The following ALPG variants were observed in gnomAD, a reference collection of about 807,000 sequenced individuals.
ALPG encodes the protein alkaline phosphatase, germ cell type.
ALPG carries 32 observed loss-of-function variants against 48.6 expected under a neutral mutation model. The observed-to-expected ratio is 0.66, with a 90% CI of 0.50 to 0.88. The LOEUF (loss-of-function observed/expected upper bound fraction) is 0.88. Among genes scored for constraint, ALPG ranks in the 40% least tolerant of loss-of-function variants. ALPG has a pLI of 0.00. For missense variants in ALPG, 533 were observed against 718.1 expected (o/e 0.74, Z 2.95); for synonymous variants, 244 against 308.9 (o/e 0.79, Z 2.20).
chr2:232,409,516 G>A (rs1280653626), intron 10 of ALPG, 58 bp from the exon 11 acceptor site: 1 of 1,610,266 alleles, frequency 6.2e-7, no homozygotes, highest in African/African-American at 1.3e-5. Flanking sequence ...GCGGGAAGGG[G>A]TCACCTCTTG....
At position 232,407,134 on chromosome 2, in the gene ALPG, C is replaced by T. The variant is rs1309947133; in HGVS notation, c.145C>T (p.Gln49Ter). ...LGAAKKLQPA[Q>*]TAAKNLIIFL... The stretch of plus-strand genomic sequence containing the variant: ...TGCCGCCAAGAAGCTGCAGCCTGCA[C>T]AGACAGCCGCCAAGAACCTCATCAT... Residue 49 changes from glutamine to a stop codon, truncating the protein, a stop_gained, in exon 2 of 11, where the codon CAG becomes TAG. Transcript: ENST00000295453. LOFTEE classifies it high-confidence loss of function. The T allele has an allele frequency of 1.9e-6, 3 of 1,613,986 alleles. No individual in the cohort carries two copies. The highest frequency in any genetic ancestry group is 1.7e-6 in the Non-Finnish European group (2 of 1,180,014).
rs368869875 is a variant in ALPG, at chr2:232,407,989, C to T, written c.620C>T (p.Thr207Met). Reference sequence around the variant, plus strand: ...CAGGAGGGGTGCCAGGACATCGCCACGCAGCTCATCTCCAACATGGACATT... The same window carrying T: ...CAGGAGGGGTGCCAGGACATCGCCATGCAGCTCATCTCCAACATGGACATT... ...ARQEGCQDIA[T>M]QLISNMDIDV... Residue 207 changes from threonine to methionine, a missense_variant, in exon 5 of 11, where the codon ACG becomes ATG. Thr to Met is a moderately conservative substitution (Grantham distance 81, BLOSUM62 -1). This residue lies in a region of ALPG where 315 missense variants were observed against 305.8 expected (regional missense o/e 1.03). Transcript: ENST00000295453. 2.4e-5 allele frequency: 39 copies of T among 1,612,570 alleles called. No individual in the cohort carries two copies. Among genetic ancestry groups the T allele is most frequent in the African/African-American group, 1.7e-4 (13 of 75,034 alleles).
chr2:232,407,223 C>T lies in ALPG; in HGVS notation c.184+50C>T, dbSNP rs377335498. On this transcript the variant is annotated intron_variant, in intron 2 of 10. Transcript: ENST00000295453. Reference sequence around the variant, plus strand: ...CCGCAGCCCTCACAGCCCCGGCGCCCGGACCCTCAGTGGTTCCAGGACAGC... The same window carrying T: ...CCGCAGCCCTCACAGCCCCGGCGCCTGGACCCTCAGTGGTTCCAGGACAGC... 86 of 1,613,754 alleles carry T rather than the reference C, an allele frequency of 5.3e-5. No individual in the cohort carries two copies. The African/African-American group carries it at 8.8e-4, about 17-fold the overall frequency.
At chr2:232,408,102 T>A (rs1697124020) in intron 5 of ALPG, 85 bp downstream of exon 5, 2 of 1,566,910 alleles carry the variant, frequency 1.3e-6, no homozygotes, top group African/African-American at 1.4e-5. Context: ...CCAAAAGCCT[T>A]ATCTGGGCCA....
In ALPG at chr2:232,409,917, C is replaced by G; in HGVS notation, c.*45C>G. Reference sequence around the variant, plus strand: ...CCTGCTTCCCCATCCCGGAGTTCCCCTGCTCCCCACCTCCAGTCGTCCTGC... The same window carrying G: ...CCTGCTTCCCCATCCCGGAGTTCCCGTGCTCCCCACCTCCAGTCGTCCTGC... On this transcript the variant is annotated 3_prime_UTR_variant, in exon 11 of 11. Transcript: ENST00000295453. 3.3e-6 allele frequency: 5 copies of G among 1,498,912 alleles called. No individual in the cohort carries two copies. The highest frequency in any genetic ancestry group is 4.4e-6 in the Non-Finnish European group (5 of 1,130,402). 92.9% of individuals were successfully genotyped at this position (1,498,912 alleles called of 1,614,324 possible). A position where few individuals can be genotyped will look rare whatever the true frequency, so the allele number is the denominator to read the frequency against.
chr2:232,409,984 A>T lies in ALPG; in HGVS notation c.*112A>T. The T allele has an allele frequency of 7.0e-7, 1 of 1,419,338 alleles. No individual in the cohort carries two copies. Among genetic ancestry groups the T allele is most frequent in the South Asian group, 1.5e-5 (1 of 68,042 alleles). The allele number at this position is 1,419,338 out of a possible 1,614,324, so 87.9% of individuals were successfully genotyped here. On this transcript the variant is annotated 3_prime_UTR_variant, in exon 11 of 11. Coordinates refer to ENST00000295453, the MANE Select transcript of ALPG (RefSeq NM_031313.3). Reference sequence around the variant, plus strand: ...GCTGTCACCCCCGGAGTCGCCACACAGACGTCCTGCCATGGAACCTTCCCC... The same window carrying T: ...GCTGTCACCCCCGGAGTCGCCACACTGACGTCCTGCCATGGAACCTTCCCC...
chr2:232,408,009 G>A lies in ALPG; in HGVS notation c.640G>A (p.Asp214Asn), dbSNP rs756844703. The A allele has an allele frequency of 8.7e-6, 14 of 1,610,930 alleles. No homozygotes were observed. In the African/African-American group the frequency reaches 1.9e-4, roughly 22 times the overall value. Residue 214 changes from aspartate to asparagine, a missense_variant, in exon 5 of 11, where the codon GAC becomes AAC. By Grantham distance (23) the Asp-to-Asn change is conservative (BLOSUM62 1). Around this residue, in one of 6 missense-constraint regions of ALPG, gnomAD observed 315 missense variants for 305.8 expected, o/e 1.03. Coordinates refer to ENST00000295453, the MANE Select transcript of ALPG (RefSeq NM_031313.3). ...DIATQLISNM[D>N]IDVILGGGRK... ...CGCCACGCAGCTCATCTCCAACATG[G>A]ACATTGATGTGCGACCCCCGGGCCA...
At chr2:232,409,502 G>A (rs1293367714) in intron 10 of ALPG, 54 bp downstream of exon 10, 1 of 1,607,698 alleles carries the variant, frequency 6.2e-7, no homozygotes, top group South Asian at 1.1e-5. Flanking sequence ...AGGATGGGGG[G>A]CTGGCGGGAA....
chr2:232,407,473 G>C, intron 3 of ALPG, 72 bp downstream of exon 3: 1 of 1,592,804 alleles, frequency 6.3e-7, no homozygotes, highest in Non-Finnish European at 8.6e-7. Flanking sequence ...TGGTAGGAGG[G>C]AGGGACCCTA....
chr2:232,407,405 A>G lies in ALPG; in HGVS notation c.300+4A>G. On this transcript the variant is annotated splice_donor_region_variant and intron_variant, in intron 3 of 10. Coordinates refer to ENST00000295453, the MANE Select transcript of ALPG (RefSeq NM_031313.3). ...CCCGTACGTGGCTCTGTCCAAGGTA[A>G]GTGCTGGGCTACCTTAGAGTCCTCC... is the stretch of plus-strand genomic sequence containing the variant. The G allele has an allele frequency of 1.2e-6, 2 of 1,613,582 alleles. No individual in the cohort carries two copies. Among genetic ancestry groups the G allele is most frequent in the Non-Finnish European group, 1.7e-6 (2 of 1,179,846 alleles).
In ALPG at chr2:232,409,782, C is replaced by T; in HGVS notation, c.1509C>T (p.Asp503=). The T allele has an allele frequency of 1.9e-6, 3 of 1,603,202 alleles. No homozygotes were observed. Among genetic ancestry groups the T allele is most frequent in the African/African-American group, 1.3e-5 (1 of 74,786 alleles). Residue 503 remains aspartate, a synonymous_variant, in exon 11 of 11, where the codon GAC becomes GAT. Transcript: ENST00000295453. ...TGGCGCCCCGCGCCGGCACCACCGA[C>T]GCCGCGCACCCGGGGCCGTCCGTGG... ...CDLAPRAGTT[D]AAHPGPSVVP...
In ALPG at chr2:232,407,184, C is replaced by T. The variant is rs375767737; in HGVS notation, c.184+11C>T. ...TCTTCCTGGGTGACGGTGAGTGAGC[C>T]AGGCCTTCCAGCCCCGCAGCCCTCA... On this transcript the variant is annotated intron_variant, in intron 2 of 10. Transcript: ENST00000295453. 5.6e-6 allele frequency: 9 copies of T among 1,613,816 alleles called. No homozygotes were observed. The African/African-American group carries it at 1.2e-4, about 22-fold the overall frequency.
At chr2:232,407,422 G>C (rs1210392658) in intron 3 of ALPG, 21 bp downstream of exon 3, 1 of 1,612,110 alleles carries the variant, frequency 6.2e-7, no homozygotes, top group African/African-American at 1.3e-5. Context: ...GGCTACCTTA[G>C]AGTCCTCCAA....
In ALPG at chr2:232,407,356, G is replaced by A. The variant is rs184375537; in HGVS notation, c.255G>A (p.Glu85=). The part of the protein sequence containing the change: ...KGQKKDKLGP[E]TFLAMDRFPY... ...AGAAGAAGGACAAACTGGGGCCTGAGACCTTCCTGGCCATGGACCGCTTCC... is the reference window on the plus strand; with the variant it reads ...AGAAGAAGGACAAACTGGGGCCTGAAACCTTCCTGGCCATGGACCGCTTCC... Residue 85 remains glutamate (E), a synonymous_variant, in exon 3 of 11, where the codon GAG becomes GAA. Transcript: ENST00000295453. The A allele has an allele frequency of 1.9e-5, 30 of 1,613,924 alleles. No homozygotes were observed. Among genetic ancestry groups the A allele is most frequent in the Non-Finnish European group, 2.5e-5 (30 of 1,179,984 alleles).
In ALPG at chr2:232,409,656, C is replaced by T. The variant is rs1697153643; in HGVS notation, c.1383C>T (p.Arg461=). The change falls in exon 11 of 11, where the codon CGC becomes CGT. Residue 461 remains arginine (R), a synonymous_variant. Coordinates refer to ENST00000295453, the MANE Select transcript of ALPG (RefSeq NM_031313.3). ...GCGAGGACGTGGCGGTGTTCGCGCGCGGCCCGCAGGCGCACCTGGTTCACG... is the reference window on the plus strand; with the variant it reads ...GCGAGGACGTGGCGGTGTTCGCGCGTGGCCCGCAGGCGCACCTGGTTCACG... ...HAGEDVAVFA[R]GPQAHLVHGV... is the part of the protein sequence containing the mutation. 5 of 1,611,700 alleles carry T rather than the reference C, an allele frequency of 3.1e-6. No homozygotes were observed. Among genetic ancestry groups the T allele is most frequent in the South Asian group, 1.1e-5 (1 of 90,878 alleles).
chr2:232,407,751 A>C lies in ALPG; in HGVS notation c.458A>C (p.Asn153Thr). ...TRGNEVISVM[N>T]RAKKAGKSVG... Reference sequence around the variant, plus strand: ...GGCAACGAGGTCATCTCCGTGATGAATCGGGCCAAGAAAGCAGGTGAGCTG... The same window carrying C: ...GGCAACGAGGTCATCTCCGTGATGACTCGGGCCAAGAAAGCAGGTGAGCTG... Residue 153 changes from asparagine to threonine, a missense_variant, in exon 4 of 11, where the codon AAT (asparagine) becomes ACT (threonine). By Grantham distance (65) the Asn-to-Thr change is moderately conservative. Coordinates refer to ENST00000295453, the MANE Select transcript of ALPG (RefSeq NM_031313.3). 1.9e-6 allele frequency: 3 copies of C among 1,613,798 alleles called. No individual in the cohort carries two copies. The highest frequency in any genetic ancestry group is 2.5e-6 in the Non-Finnish European group (3 of 1,179,994).
In ALPG at chr2:232,407,175, T is replaced by C. The variant is rs1251476503; in HGVS notation, c.184+2T>C. ...ACCTCATCATCTTCCTGGGTGACGG[T>C]GAGTGAGCCAGGCCTTCCAGCCCCG... On this transcript the variant is annotated splice_donor_variant, in intron 2 of 10. Transcript: ENST00000295453. LOFTEE classifies it high-confidence loss of function. 38 of 1,613,648 alleles carry C rather than the reference T, an allele frequency of 2.4e-5. No individual in the cohort carries two copies. Among genetic ancestry groups the C allele is most frequent in the Non-Finnish European group, 3.2e-5 (38 of 1,179,982 alleles).
chr2:232,409,860 C>T lies in ALPG; in HGVS notation c.1587C>T (p.Ala529=), dbSNP rs752569263. Residue 529 remains alanine (A), a synonymous_variant, in exon 11 of 11, where the codon GCC becomes GCT. Transcript: ENST00000295453. ...LAGTLLLLGT[A]TAP ...GGACCTTGCTGCTGCTGGGGACGGC[C>T]ACTGCTCCCTGAGTGTCCCGTCCCT... is the stretch of plus-strand genomic sequence containing the variant. 65 of 1,574,114 alleles carry T rather than the reference C, an allele frequency of 4.1e-5. No individual in the cohort carries two copies. Among genetic ancestry groups the T allele is most frequent in the Non-Finnish European group, 5.6e-5 (65 of 1,164,602 alleles).
chr2:232,407,981 C>G lies in ALPG; in HGVS notation c.612C>G (p.Asp204Glu). 1 of 1,612,816 alleles carries G rather than the reference C, an allele frequency of 6.2e-7. No individual in the cohort carries two copies. The change falls in exon 5 of 11, where the codon GAC becomes GAG. Residue 204 changes from aspartate (D) to glutamate (E), a missense_variant. Physicochemically the swap from Asp to Glu is conservative, Grantham distance 45. This residue lies in a region of ALPG where 315 missense variants were observed against 305.8 expected (regional missense o/e 1.03). Coordinates refer to ENST00000295453, the MANE Select transcript of ALPG (RefSeq NM_031313.3). ...PASARQEGCQ[D>E]IATQLISNMD... ...CGGCCCGCCAGGAGGGGTGCCAGGACATCGCCACGCAGCTCATCTCCAACA... is the reference window on the plus strand; with the variant it reads ...CGGCCCGCCAGGAGGGGTGCCAGGAGATCGCCACGCAGCTCATCTCCAACA...
Sources: allele counts gnomAD v4.1 joint callset, GRCh38; gene constraint gnomAD v4.1.1; regional missense constraint gnomAD v4.1.1; transcripts MANE v1.5; gene names NCBI Gene and HGNC (gene_info 2026-07-23, HGNC 2026-07-21).